The following BMPR1B variants were observed in gnomAD, a reference collection of about 807,000 sequenced individuals.
BMPR1B encodes the protein bone morphogenetic protein receptor type-1B.
A neutral mutation model predicts 59.1 loss-of-function variants in BMPR1B; 12 were observed. That is an observed-to-expected ratio of 0.20 (90% confidence interval 0.13 to 0.33). BMPR1B has a LOEUF of 0.33. Ranked by LOEUF, BMPR1B falls within the 10% of genes least tolerant of loss-of-function variation. BMPR1B has a pLI of 1.00. For missense variants in BMPR1B, 550 were observed against 610.9 expected (o/e 0.90, Z 1.05); for synonymous variants, 237 against 207.3 (o/e 1.14, Z -1.23).
At chr4:95,143,541 G>A (rs1734408854) in intron 10 of BMPR1B, among the ~76,000 whole-genome samples, 1 of 152,086 alleles carries the variant, frequency 6.6e-6, no homozygotes, top group African/African-American at 2.4e-5. Flanking sequence ...GTCTTCCCTG[G>A]GGTAGAAGAG....
intron 2 of BMPR1B, among the ~76,000 whole-genome samples, chr4:94,983,045 T>C (rs1014943272): frequency 2.6e-5 from 4 of 152,046 alleles, no homozygotes; most frequent in Non-Finnish European, 5.9e-5. Context: ...AAGATTGTTC[T>C]TAACCAAGGA....
chr4:95,092,990 A>G (rs1418930818), intron 3 of BMPR1B, among the ~76,000 whole-genome samples: 2 of 152,134 alleles, frequency 1.3e-5, no homozygotes, highest in South Asian at 2.1e-4. Context: ...GCCAAGTTCT[A>G]GTTGACTCTG....
intron 1 of BMPR1B, among the ~76,000 whole-genome samples, chr4:94,788,170 G>A (rs759274177): frequency 1.3e-5 from 2 of 152,098 alleles, no homozygotes; most frequent in Admixed American, 6.6e-5. Flanking sequence ...TGGAGGATGG[G>A]GTGAGGAACA....
chr4:95,125,461 A>C (rs1038325400), intron 8 of BMPR1B, among the ~76,000 whole-genome samples: 3 of 152,178 alleles, frequency 2.0e-5, no homozygotes, highest in Non-Finnish European at 4.4e-5. Context: ...CTAAAGTATT[A>C]CAACCAACTG....
At chr4:94,802,982 C>A (rs980061387) in intron 1 of BMPR1B, among the ~76,000 whole-genome samples, 19 of 152,050 alleles carry the variant, frequency 1.2e-4, no homozygotes, top group African/African-American at 4.6e-4. Flanking sequence ...GCTCACTGTT[C>A]CTCACCCTTC....
At chr4:94,940,421 A>C (rs1729465746) in intron 2 of BMPR1B, among the ~76,000 whole-genome samples, 1 of 152,214 alleles carries the variant, frequency 6.6e-6, no homozygotes, top group Non-Finnish European at 1.5e-5. Flanking sequence ...AAAAGATTGG[A>C]TACCCCTGGC....
chr4:94,884,026 C>T (rs149683650), intron 2 of BMPR1B, among the ~76,000 whole-genome samples: 1 of 152,188 alleles, frequency 6.6e-6, no homozygotes, highest in African/African-American at 2.4e-5. Context: ...CTTTAAACTA[C>T]TGTATAACTT....
chr4:95,081,154 A>G (rs867500748), intron 3 of BMPR1B, among the ~76,000 whole-genome samples: 4 of 152,084 alleles, frequency 2.6e-5, no homozygotes, highest in Admixed American at 6.5e-5. Flanking sequence ...CACCATGTGA[A>G]GAAAGATGTG....
chr4:94,926,219 A>G (rs2149029478), intron 2 of BMPR1B, among the ~76,000 whole-genome samples: 1 of 151,914 alleles, frequency 6.6e-6, no homozygotes, highest in Non-Finnish European at 1.5e-5. Flanking sequence ...TATGAAAAAT[A>G]GGTATGCTCT....
At chr4:94,900,212 C>T (rs1560538117) in intron 2 of BMPR1B, among the ~76,000 whole-genome samples, 2 of 151,402 alleles carry the variant, frequency 1.3e-5, no homozygotes, top group Non-Finnish European at 2.9e-5. Flanking sequence ...CAGTGTAATG[C>T]GCTAGGTTCC....
chr4:94,965,188 A>G (rs78436882), intron 2 of BMPR1B, among the ~76,000 whole-genome samples: 12,248 of 152,108 alleles, frequency 0.081, 1,427 homozygotes, highest in African/African-American at 0.25. Flanking sequence ...AAATAATAAG[A>G]CACATTCTTG....
intron 3 of BMPR1B, among the ~76,000 whole-genome samples, chr4:95,076,172 A>G (rs894126086): frequency 5.3e-5 from 8 of 152,136 alleles, no homozygotes; most frequent in African/African-American, 1.9e-4. Flanking sequence ...GTAAAATTTT[A>G]GGATGAACTG....
At chr4:94,868,092 G>A (rs1421752255) in intron 1 of BMPR1B, among the ~76,000 whole-genome samples, 2 of 151,690 alleles carry the variant, frequency 1.3e-5, no homozygotes, top group Non-Finnish European at 2.9e-5. Context: ...AGAAGTTTTG[G>A]GCTCAAGCAG....
chr4:95,077,220 A>G (rs1219398383), intron 3 of BMPR1B, among the ~76,000 whole-genome samples: 1 of 152,128 alleles, frequency 6.6e-6, no homozygotes, highest in Non-Finnish European at 1.5e-5. Context: ...TCAAATGTAC[A>G]TACACCGGCT....
intron 9 of BMPR1B, among the ~76,000 whole-genome samples, chr4:95,131,008 G>A (rs947101669): frequency 2.0e-5 from 3 of 152,036 alleles, no homozygotes; most frequent in Non-Finnish European, 4.4e-5. Flanking sequence ...TGGATTACAG[G>A]TGTGAGCCAC....
chr4:95,138,429 A>G (rs895579033), intron 10 of BMPR1B, among the ~76,000 whole-genome samples: 1 of 151,968 alleles, frequency 6.6e-6, no homozygotes, highest in African/African-American at 2.4e-5. Flanking sequence ...TGTTTTCTGT[A>G]TTTCCTGAAT....
intron 3 of BMPR1B, among the ~76,000 whole-genome samples, chr4:95,017,696 C>T (rs1723677644): frequency 6.6e-6 from 1 of 152,188 alleles, no homozygotes; most frequent in Admixed American, 6.5e-5. Context: ...TTAATTCTCT[C>T]AGCAACTCTG....
At chr4:95,102,965 T>C (rs1489496974) in intron 3 of BMPR1B, among the ~76,000 whole-genome samples, 2 of 152,140 alleles carry the variant, frequency 1.3e-5, no homozygotes, top group Non-Finnish European at 2.9e-5. Flanking sequence ...GGGGTGGGAT[T>C]CTGCATACGA....
intron 2 of BMPR1B, among the ~76,000 whole-genome samples, chr4:94,924,006 G>T (rs935572857): frequency 6.7e-4 from 102 of 152,242 alleles, no homozygotes; most frequent in African/African-American, 2.3e-3. Flanking sequence ...ACTTAAGGAT[G>T]CTATGTCTTG....
Sources: gnomAD v4.1 joint callset for allele counts (sites outside exome capture counted in the v4.1 genomes callset) on GRCh38, gnomAD v4.1.1 for gene constraint, MANE v1.5 for transcripts, NCBI Gene and HGNC (gene_info 2026-07-23, HGNC 2026-07-21) for gene names.